Variants in YES1 observed in about 807,000 individuals in gnomAD.
YES1 encodes the protein YES proto-oncogene 1, Src family tyrosine kinase, also known as tyrosine-protein kinase Yes.
YES1 carries 39 observed loss-of-function variants against 70.4 expected under a neutral mutation model. The ratio of observed to expected loss-of-function variants is 0.55; its 90% CI spans 0.43 to 0.72. YES1 has a LOEUF of 0.72. Ranked by LOEUF, YES1 falls within the 30% of genes least tolerant of loss-of-function variation. YES1 has a pLI of 0.00. For missense variants in YES1, 495 were observed against 644.8 expected (o/e 0.77, Z 2.52); for synonymous variants, 198 against 218.6 (o/e 0.91, Z 0.83).
intron 1 of YES1, among the ~76,000 whole-genome samples, chr18:796,400 T>C (rs569319353): frequency 6.6e-6 from 1 of 152,322 alleles, no homozygotes; most frequent in East Asian, 1.9e-4. Context: ...TGTCACACAG[T>C]CAATTATCAA....
chr18:770,030 T>C lies in YES1; in HGVS notation c.-8-13195A>G, dbSNP rs116463618. 4.2e-3 allele frequency among the ~76,000 whole-genome samples: 636 copies of C among 151,542 alleles called. 3 individuals carry two copies. Among genetic ancestry groups the C allele is most frequent in the African/African-American group, 0.015 (607 of 41,270 alleles). Reference sequence around the variant, plus strand: ...GTGCAGTGGCGTGATCCCGGCTCACTGCAACTGCAATCTCTGCCTCCTGGG... The same window carrying C: ...GTGCAGTGGCGTGATCCCGGCTCACCGCAACTGCAATCTCTGCCTCCTGGG... On this transcript the variant is annotated intron_variant, in intron 1 of 11. Transcript: ENST00000314574.
chr18:753,440 T>C (rs1011264348), intron 2 of YES1, among the ~76,000 whole-genome samples: 3 of 152,184 alleles, frequency 2.0e-5, no homozygotes, highest in African/African-American at 7.2e-5. Flanking sequence ...AATTTGAATA[T>C]GTATATACTC....
chr18:811,767 G>A (rs1907395717), intron 1 of YES1, among the ~76,000 whole-genome samples: 1 of 152,158 alleles, frequency 6.6e-6, no homozygotes, highest in Admixed American at 6.5e-5. Flanking sequence ...GGCCGTAGGG[G>A]CAAAAATAAA....
intron 1 of YES1, among the ~76,000 whole-genome samples, chr18:795,474 A>G (rs1209986133): frequency 6.6e-6 from 1 of 152,158 alleles, no homozygotes; most frequent in African/African-American, 2.4e-5. Context: ...TTGCAGCACT[A>G]TTTACAACAG....
At position 747,928 on chromosome 18, in the gene YES1, C is replaced by T. The variant is rs771681048; in HGVS notation, c.462G>A (p.Gln154=). 3 of 1,613,168 alleles carry T rather than the reference C, an allele frequency of 1.9e-6. No individual in the cohort carries two copies. The African/African-American group carries it at 4.0e-5, about 22-fold the overall frequency. The change falls in exon 4 of 12, where the codon CAG becomes CAA. Residue 154 remains glutamine (Q), a synonymous_variant. Coordinates refer to ENST00000314574, the MANE Select transcript of YES1 (RefSeq NM_005433.4). ...ATGAAGTAGTGCCATACTCTTCTGC[C>T]TGAATGGAATCTGCAGGCGCTACAT... ...SNYVAPADSI[Q]AEEWYFGKMG...
At chr18:774,724 T>C (rs749160772) in intron 1 of YES1, among the ~76,000 whole-genome samples, 134 of 152,266 alleles carry the variant, frequency 8.8e-4, no homozygotes, top group Non-Finnish European at 1.5e-3. Context: ...GCCTAACTGG[T>C]CTCCCAGTTC....
rs75039840 is a variant in YES1, at chr18:786,364, G to C, written c.-9+25750C>G. On this transcript the variant is annotated intron_variant, in intron 1 of 11. Coordinates refer to ENST00000314574, the MANE Select transcript of YES1 (RefSeq NM_005433.4). The stretch of plus-strand genomic sequence containing the variant: ...TAGGAGGAAGGGGAGCTTCACATAA[G>C]AGTGTCAAGTTTGAGGGACACTGGC... Among the ~76,000 whole-genome samples, 328 of 152,072 alleles carry C rather than the reference G, an allele frequency of 2.2e-3. 1 individual carries two copies. The highest frequency in any genetic ancestry group is 3.9e-3 in the Non-Finnish European group (265 of 67,988).
At chr18:725,350 T>G (rs2080005079) in intron 11 of YES1, among the ~76,000 whole-genome samples, 1 of 152,150 alleles carries the variant, frequency 6.6e-6, no homozygotes, top group Admixed American at 6.5e-5. Flanking sequence ...ATCCCTTGTA[T>G]CTCTTGGAAA....
chr18:754,231 G>A (rs1448023496), intron 2 of YES1, among the ~76,000 whole-genome samples: 1 of 152,066 alleles, frequency 6.6e-6, no homozygotes, highest in African/African-American at 2.4e-5. Context: ...CTGAGTAATC[G>A]TGGTCTCCTA....
At chr18:773,046 C>A (rs1356164637) in intron 1 of YES1, among the ~76,000 whole-genome samples, 5 of 152,162 alleles carry the variant, frequency 3.3e-5, no homozygotes, top group Admixed American at 2.6e-4. Flanking sequence ...TGATGACTGG[C>A]CTCTTTAGCA....
At chr18:768,596 C>T (rs1243405299) in intron 1 of YES1, among the ~76,000 whole-genome samples, 1 of 152,092 alleles carries the variant, frequency 6.6e-6, no homozygotes, top group Admixed American at 6.5e-5. Flanking sequence ...TCATGTGCAG[C>T]GTAACATTTT....
At chr18:778,412 C>G (rs1905493048) in intron 1 of YES1, among the ~76,000 whole-genome samples, 1 of 152,226 alleles carries the variant, frequency 6.6e-6, no homozygotes, top group African/African-American at 2.4e-5. Flanking sequence ...AGCACCCTGC[C>G]TGTCAGCATG....
Position 732,742 on chromosome 18 carries a change from A to G in YES1, c.1423+92T>C, listed in dbSNP as rs542465716. ...AGGCAGGGGGACTATGAGAAGAAAT[A>G]AAGGCCTTTTCCCCGCTTACAATTC... is the stretch of plus-strand genomic sequence containing the variant. On this transcript the variant is annotated intron_variant, in intron 11 of 11. Transcript: ENST00000314574. 1,176 of 1,524,388 alleles carry G rather than the reference A, an allele frequency of 7.7e-4. 2 individuals carry two copies. The highest frequency in any genetic ancestry group is 1.0e-3 in the Non-Finnish European group (1,102 of 1,106,252). 94.4% of individuals were successfully genotyped at this position (1,524,388 alleles called of 1,614,324 possible).
At chr18:747,174 A>C (rs370437151) in intron 4 of YES1, among the ~76,000 whole-genome samples, 75 of 152,324 alleles carry the variant, frequency 4.9e-4, no homozygotes, top group African/African-American at 1.7e-3. Flanking sequence ...AACCTTAAAG[A>C]ATGTAAGTCT....
In YES1 at chr18:743,665, TG is replaced by T. The variant is rs368910520; in HGVS notation, c.725-251del. 8.3e-4 allele frequency among the ~76,000 whole-genome samples: 127 copies of T among 152,162 alleles called. 3 individuals carry two copies. The South Asian group carries it at 0.025, about 30-fold the overall frequency. ...TCTCACGTCTGTAATCCCAGCACTT[TG>T]GGAGGTTGAGGCAGATGAATCACGA... On this transcript the variant is annotated intron_variant, in intron 6 of 11. Coordinates refer to ENST00000314574, the MANE Select transcript of YES1 (RefSeq NM_005433.4).
intron 1 of YES1, among the ~76,000 whole-genome samples, chr18:790,631 G>GTTTA (rs1906197785): frequency 6.6e-6 from 1 of 152,124 alleles, no homozygotes; most frequent in South Asian, 2.1e-4. Context: ...TGAAAAGAAA[G>GTTTA]TGATAACTTT....
At chr18:800,943 C>G (rs138740350) in intron 1 of YES1, among the ~76,000 whole-genome samples, 2 of 151,946 alleles carry the variant, frequency 1.3e-5, no homozygotes, top group African/African-American at 4.8e-5. Flanking sequence ...GTCAGGAGAT[C>G]GAGACCATCC....
At chr18:757,279 G>A (rs920397044) in intron 1 of YES1, among the ~76,000 whole-genome samples, 38 of 151,272 alleles carry the variant, frequency 2.5e-4, no homozygotes, top group South Asian at 4.2e-4. Flanking sequence ...CAAGGCGGGC[G>A]GATCACGAGG....
chr18:783,617 CTTTTTTTT>C (rs71805434), intron 1 of YES1, among the ~76,000 whole-genome samples: 1 of 143,222 alleles, frequency 7.0e-6, no homozygotes, highest in Non-Finnish European at 1.5e-5. Flanking sequence ...CAATTTTTCT[CTTTTTTTT>C]TTTTTTTTGA....
Sources: gnomAD v4.1 joint callset for allele counts (sites outside exome capture counted in the v4.1 genomes callset) on GRCh38, gnomAD v4.1.1 for gene constraint, MANE v1.5 for transcripts, NCBI Gene and HGNC (gene_info 2026-07-23, HGNC 2026-07-21) for gene names.